Variants in BICC1 observed in about 807,000 individuals in gnomAD.
The protein encoded by BICC1 is protein bicaudal C homolog 1.
In BICC1, 43 loss-of-function variants were observed where a neutral mutation model predicts 111.0. The observed-to-expected ratio is 0.39, with a 90% CI of 0.30 to 0.50. The LOEUF (loss-of-function observed/expected upper bound fraction) is 0.50, where lower values mean the gene tolerates loss of function less well. BICC1 is among the 20% of genes least tolerant of loss of function. BICC1 has a pLI of 0.88. For synonymous variants in BICC1, 467 were observed against 434.4 expected (o/e 1.07, Z -0.93); for missense variants, 1,091 against 1,203.2 (o/e 0.91, Z 1.38).
At chr10:58,577,201 T>G (rs1046210519) in intron 1 of BICC1, among the ~76,000 whole-genome samples, 5 of 152,092 alleles carry the variant, frequency 3.3e-5, no homozygotes, top group African/African-American at 1.2e-4. Context: ...GGAGGTTCCT[T>G]TTCACACACC....
At chr10:58,731,707 GGAGA>G (rs60117655) in intron 3 of BICC1, among the ~76,000 whole-genome samples, 138,512 of 147,814 alleles carry the variant, frequency 0.94, 64,912 homozygotes, top group East Asian at 1. Flanking sequence ...CAGGACAAGG[GGAGA>G]GAGAGAGAGA....
intron 1 of BICC1, among the ~76,000 whole-genome samples, chr10:58,595,643 A>G (rs1314836475): frequency 6.6e-6 from 1 of 152,212 alleles, no homozygotes; most frequent in Non-Finnish European, 1.5e-5. Context: ...TTAGGCAGAA[A>G]TAAAGATGTT....
At chr10:58,800,848 TG>T in intron 13 of BICC1, 41 bp from the exon 14 acceptor site, 2 of 1,533,264 alleles carry the variant, frequency 1.3e-6, no homozygotes. Flanking sequence ...TGGAAGGTGA[TG>T]TTGTTTAGGT....
chr10:58,618,595 T>C (rs1029304197), intron 1 of BICC1, among the ~76,000 whole-genome samples: 4 of 152,170 alleles, frequency 2.6e-5, no homozygotes, highest in African/African-American at 9.7e-5. Context: ...CAGCTGCTCG[T>C]CATTCATCCA....
At chr10:58,605,270 A>G (rs1004338386) in intron 1 of BICC1, among the ~76,000 whole-genome samples, 6 of 152,018 alleles carry the variant, frequency 3.9e-5, no homozygotes, top group African/African-American at 1.2e-4. Context: ...AAAACACAAT[A>G]TCCTTCCCCA....
intron 3 of BICC1, among the ~76,000 whole-genome samples, chr10:58,756,213 A>G (rs768502013): frequency 1.3e-5 from 2 of 151,706 alleles, no homozygotes; most frequent in Admixed American, 6.6e-5. Context: ...TTAGAAGGCA[A>G]TAGATCTTCT....
intron 19 of BICC1, among the ~76,000 whole-genome samples, 161 bp from the exon 20 acceptor site, chr10:58,820,208 C>T (rs1021653915): frequency 6.6e-6 from 1 of 152,118 alleles, no homozygotes. Context: ...CATTTCACCA[C>T]CTTTCTTAAT....
chr10:58,673,950 C>G (rs996517469), intron 2 of BICC1, among the ~76,000 whole-genome samples: 2 of 82,144 alleles, frequency 2.4e-5, no homozygotes, highest in Admixed American at 1.5e-4. Context: ...TTTAATCTAT[C>G]TCAGGTAAAC....
intron 2 of BICC1, among the ~76,000 whole-genome samples, chr10:58,635,428 A>G (rs1477448365): frequency 6.6e-6 from 1 of 152,156 alleles, no homozygotes; most frequent in Non-Finnish European, 1.5e-5. Context: ...ATCAGTTGGA[A>G]ATTCATTTTT....
intron 3 of BICC1, among the ~76,000 whole-genome samples, chr10:58,703,818 C>G (rs948688444): frequency 6.6e-6 from 1 of 152,162 alleles, no homozygotes; most frequent in Non-Finnish European, 1.5e-5. Flanking sequence ...AGCTTTATTA[C>G]TAGCCTAATA....
At chr10:58,521,037 A>G (rs1364958847) in intron 1 of BICC1, among the ~76,000 whole-genome samples, 2 of 152,140 alleles carry the variant, frequency 1.3e-5, no homozygotes, top group Non-Finnish European at 2.9e-5. Flanking sequence ...CTTAGCGTTG[A>G]ATCATAAGTA....
chr10:58,806,708 C>T, intron 16 of BICC1, 85 bp downstream of exon 16: 1 of 1,204,390 alleles, frequency 8.3e-7, no homozygotes, highest in South Asian at 1.3e-5. Flanking sequence ...GAATCGAGAA[C>T]TTGAAAACTC....
chr10:58,679,775 C>T (rs1839458491), intron 2 of BICC1, among the ~76,000 whole-genome samples: 1 of 152,086 alleles, frequency 6.6e-6, no homozygotes, highest in South Asian at 2.1e-4. Context: ...AACATCAATG[C>T]AAAAATCCTC....
chr10:58,814,221 A>G (rs1844012557), intron 18 of BICC1: 1 of 623,460 alleles, frequency 1.6e-6, no homozygotes, highest in Admixed American at 2.8e-5. Flanking sequence ...CCAAAGGGCA[A>G]TTATTTATCT....
rs760081748 is a variant in BICC1 at position 58,789,375 on chromosome 10, A to G, written c.714A>G (p.Ser238=). 2 of 1,614,088 alleles carry G rather than the reference A, an allele frequency of 1.2e-6. No individual in the cohort carries two copies. Among genetic ancestry groups the G allele is most frequent in the Non-Finnish European group, 1.7e-6 (2 of 1,179,964 alleles). Residue 238 remains serine, a synonymous_variant, in exon 7 of 21, where the codon TCA becomes TCG. Coordinates refer to ENST00000373886, the MANE Select transcript of BICC1 (RefSeq NM_001080512.3). ...ATATATCACAAACGTACAATATTTCAGTATCATTTAAACAGCGTTCCCGAA... is the reference window on the plus strand; with the variant it reads ...ATATATCACAAACGTACAATATTTCGGTATCATTTAAACAGCGTTCCCGAA... The part of the protein sequence containing the change: ...IQHISQTYNI[S]VSFKQRSRMY...
At chr10:58,770,417 G>A (rs941738642) in intron 3 of BICC1, among the ~76,000 whole-genome samples, 18 of 151,952 alleles carry the variant, frequency 1.2e-4, no homozygotes, top group African/African-American at 4.3e-4. Context: ...ATGCTGATAT[G>A]TTGTACATTC....
chr10:58,601,272 GTTTA>G (rs767351363), intron 1 of BICC1, among the ~76,000 whole-genome samples: 1 of 149,928 alleles, frequency 6.7e-6, no homozygotes, highest in East Asian at 2.0e-4. Flanking sequence ...GTTTTTATGT[GTTTA>G]TTTAAAGAAT....
At chr10:58,682,852 G>C (rs1256299978) in intron 2 of BICC1, among the ~76,000 whole-genome samples, 3 of 152,174 alleles carry the variant, frequency 2.0e-5, no homozygotes, top group Non-Finnish European at 4.4e-5. Flanking sequence ...TCTGATGGTA[G>C]TTTCTTTTGC....
At chr10:58,653,831 C>A (rs1355083203) in intron 2 of BICC1, among the ~76,000 whole-genome samples, 1 of 113,910 alleles carries the variant, frequency 8.8e-6, no homozygotes, top group Non-Finnish European at 1.8e-5. Flanking sequence ...TCCCTCCCCC[C>A]TCCCCCCACC....
Sources: allele counts gnomAD v4.1 joint callset (sites outside exome capture counted in the v4.1 genomes callset), GRCh38; gene constraint gnomAD v4.1.1; transcripts MANE v1.5; gene names NCBI Gene and HGNC (gene_info 2026-07-23, HGNC 2026-07-21).